TMEM116: variants seen among roughly 807,000 people sequenced by gnomAD.
TMEM116 encodes transmembrane protein 116.
A neutral mutation model predicts 44.3 loss-of-function variants in TMEM116; 38 were observed. That is an observed-to-expected ratio of 0.86 (90% CI 0.66 to 1.12). TMEM116 has a LOEUF of 1.12. TMEM116 is among the 50% of genes most tolerant of loss of function. The pLI is 0.00. For missense variants in TMEM116, 354 were observed against 401.7 expected, an observed-to-expected ratio of 0.88 and a Z score of 1.01; for synonymous variants, 132 against 144.8, an observed-to-expected ratio of 0.91 and a Z score of 0.64.
rs371845657 is a variant in TMEM116 at position 111,931,736 on chromosome 12, C to T, written c.899G>A (p.Arg300His). Residue 300 changes from arginine to histidine, a missense_variant, in exon 11 of 11, where the codon CGT becomes CAT. Coordinates refer to ENST00000552374, the MANE Select transcript of TMEM116 (RefSeq NM_001193531.2). Reference protein sequence around the residue: ...KFHQLKQEARRDADTQTPLLC... With the variant: ...KFHQLKQEARHDADTQTPLLC... Reference sequence around the variant, plus strand: ...TAATGGTGTCTGGGTATCTGCATCACGCCGAGCCTCCTGCTTTAGTTGGTG... The same window carrying T: ...TAATGGTGTCTGGGTATCTGCATCATGCCGAGCCTCCTGCTTTAGTTGGTG... 5.6e-5 allele frequency: 91 copies of T among 1,611,962 alleles called. No individual in the cohort carries two copies. The highest frequency in any genetic ancestry group is 7.1e-5 in the Non-Finnish European group (84 of 1,179,130).
At chr12:111,974,417 C>T (rs192262596) in intron 4 of TMEM116, among the ~76,000 whole-genome samples, 103 of 151,858 alleles carry the variant, frequency 6.8e-4, no homozygotes, top group Non-Finnish European at 2.8e-4. Context: ...CCGGGGTGGG[C>T]GGATCATTTG....
chr12:111,934,108 A>G, intron 8 of TMEM116, 78 bp from the exon 9 acceptor site: 1 of 1,483,320 alleles, frequency 6.7e-7, no homozygotes, highest in Non-Finnish European at 9.2e-7. Context: ...ATCATTTTAA[A>G]AAGATTATTC....
intron 3 of TMEM116, among the ~76,000 whole-genome samples, chr12:111,996,523 G>A (rs1175316176): frequency 1.3e-5 from 2 of 152,098 alleles, no homozygotes; most frequent in African/African-American, 4.8e-5. Context: ...TTTTAAGTCT[G>A]ATAACAGCAA....
At chr12:111,974,795 A>G (rs1213513842) in intron 4 of TMEM116, among the ~76,000 whole-genome samples, 3 of 152,150 alleles carry the variant, frequency 2.0e-5, no homozygotes, top group Non-Finnish European at 4.4e-5. Context: ...AAACTAATGA[A>G]TGACTTTAGC....
chr12:111,939,755 G>A (rs763203136), intron 5 of TMEM116, among the ~76,000 whole-genome samples: 1 of 151,992 alleles, frequency 6.6e-6, no homozygotes. Context: ...TTGGGCCCAG[G>A]AGATTGAGGC....
chr12:111,953,552 C>T (rs1000709800), intron 4 of TMEM116, among the ~76,000 whole-genome samples: 11 of 152,174 alleles, frequency 7.2e-5, no homozygotes, highest in African/African-American at 2.7e-4. Context: ...GCAAAAATCA[C>T]AACATTGCAC....
intron 3 of TMEM116, chr12:111,993,231 G>A (rs920847409): frequency 7.0e-6 from 3 of 429,368 alleles, no homozygotes; most frequent in Middle Eastern, 3.8e-4. Context: ...GACACACACT[G>A]CGGTCATTCC....
At chr12:112,009,768 C>T (rs938151373) in intron 1 of TMEM116, among the ~76,000 whole-genome samples, 3 of 150,920 alleles carry the variant, frequency 2.0e-5, no homozygotes, top group African/African-American at 4.9e-5. Context: ...ATCACTTGAA[C>T]GCAGGAGGTG....
intron 4 of TMEM116, among the ~76,000 whole-genome samples, chr12:111,977,144 C>A (rs2075711532): frequency 1.3e-5 from 2 of 151,964 alleles, no homozygotes. Context: ...AAGATAAAAA[C>A]CAAAAAATCT....
At chr12:111,963,191 G>C (rs1451021203) in intron 4 of TMEM116, among the ~76,000 whole-genome samples, 1 of 152,132 alleles carries the variant, frequency 6.6e-6, no homozygotes, top group African/African-American at 2.4e-5. Context: ...GGAGAAATAG[G>C]AACAGAAATA....
chr12:111,942,564 G>A lies in TMEM116; in HGVS notation c.315+701C>T, dbSNP rs79030378. Reference sequence around the variant, plus strand: ...TGAGATTATAGGCATAAGCCACTGCGCCCGGCCAACACTTCATTTTACAAT... The same window carrying A: ...TGAGATTATAGGCATAAGCCACTGCACCCGGCCAACACTTCATTTTACAAT... On this transcript the variant is annotated intron_variant, in intron 5 of 10. Coordinates refer to ENST00000552374, the MANE Select transcript of TMEM116 (RefSeq NM_001193531.2). Among the ~76,000 whole-genome samples, 899 of 152,228 alleles carry A rather than the reference G, an allele frequency of 5.9e-3. 11 individuals carry two copies. The highest frequency in any genetic ancestry group is 0.02 in the African/African-American group (847 of 41,540).
At chr12:111,984,570 T>G (rs2076122376) in intron 4 of TMEM116, among the ~76,000 whole-genome samples, 1 of 152,132 alleles carries the variant, frequency 6.6e-6, no homozygotes, top group African/African-American at 2.4e-5. Context: ...AACAATAACT[T>G]AATTGTACAT....
At chr12:111,949,124 C>A (rs765064293) in intron 4 of TMEM116, among the ~76,000 whole-genome samples, 1 of 151,570 alleles carries the variant, frequency 6.6e-6, no homozygotes, top group African/African-American at 2.4e-5. Context: ...CCAACCCCCA[C>A]CCCCAAAAAA....
chr12:112,008,975 C>CAA lies in TMEM116; in HGVS notation c.-33-3674_-33-3673dup, dbSNP rs762535414. On this transcript the variant is annotated intron_variant, in intron 1 of 10. Transcript: ENST00000552374. ...GGGCAACAAGAGCGAAACTCCATTT[C>CAA]AAAAAAAAAAAAAAAAGATTTCTAG... Among the ~76,000 whole-genome samples the CAA allele has an allele frequency of 2.5e-4, 17 of 67,798 alleles. No individual in the cohort carries two copies. In the South Asian group the frequency reaches 4.8e-3, roughly 19 times the overall value. 44.5% of individuals were successfully genotyped at this position (67,798 alleles called of 152,430 possible). A position where few individuals can be genotyped will look rare whatever the true frequency, so the allele number is the denominator to read the frequency against.
intron 4 of TMEM116, among the ~76,000 whole-genome samples, chr12:111,974,668 A>C (rs1474571778): frequency 6.7e-6 from 1 of 149,202 alleles, no homozygotes; most frequent in Admixed American, 6.7e-5. Flanking sequence ...AAAAAAAAAA[A>C]GAAAAGAAAA....
chr12:111,986,437 C>T (rs570029280), intron 4 of TMEM116, among the ~76,000 whole-genome samples: 1 of 152,074 alleles, frequency 6.6e-6, no homozygotes, highest in South Asian at 2.1e-4. Context: ...AATTAAAAGC[C>T]CAGAAATAAA....
intron 1 of TMEM116, chr12:112,005,708 T>C (rs2077541460): frequency 5.1e-6 from 5 of 984,350 alleles, no homozygotes; most frequent in Non-Finnish European, 6.0e-6. Context: ...AAGAACAAAA[T>C]GTAGAGTGGG....
chr12:111,960,409 G>A (rs934190366), intron 4 of TMEM116, among the ~76,000 whole-genome samples: 2 of 146,838 alleles, frequency 1.4e-5, no homozygotes, highest in Admixed American at 7.0e-5. Flanking sequence ...GGAGAATGAC[G>A]TGAACCCGGG....
chr12:111,981,690 A>G (rs1449506837), intron 4 of TMEM116, among the ~76,000 whole-genome samples: 1 of 152,218 alleles, frequency 6.6e-6, no homozygotes, highest in African/African-American at 2.4e-5. Context: ...AGCCTGGGAA[A>G]GAGGCTGGGG....
Sources: gnomAD v4.1 joint callset for allele counts (sites outside exome capture counted in the v4.1 genomes callset) on GRCh38, gnomAD v4.1.1 for gene constraint, MANE v1.5 for transcripts, NCBI Gene and HGNC (gene_info 2026-07-23, HGNC 2026-07-21) for gene names.